Variants in MTUS2 observed in about 807,000 individuals in gnomAD.
MTUS2 encodes the protein microtubule-associated tumor suppressor candidate 2.
A neutral mutation model predicts 114.1 loss-of-function variants in MTUS2; 40 were observed. The ratio of observed to expected loss-of-function variants is 0.35; its 90% confidence interval spans 0.27 to 0.46. The LOEUF is 0.46. Among genes scored for constraint, MTUS2 ranks in the 20% least tolerant of loss-of-function variants. The probability of loss-of-function intolerance (pLI) is 1.00; values close to 1 mark genes in which losing one functional copy is unlikely to be tolerated. For missense variants in MTUS2, 1,679 were observed against 1,705.4 expected, an observed-to-expected ratio of 0.98 and a Z score of 0.27; for synonymous variants, 688 against 672.0, an observed-to-expected ratio of 1.02 and a Z score of -0.37.
At position 29,347,106 on chromosome 13, in the gene MTUS2, A is replaced by G. The variant is rs568102583; in HGVS notation, c.2906-12156A>G. Among the ~76,000 whole-genome samples, 825 of 151,858 alleles carry G rather than the reference A, an allele frequency of 5.4e-3. 2 individuals carry two copies. Among genetic ancestry groups the G allele is most frequent in the Non-Finnish European group, 8.3e-3 (565 of 67,862 alleles). ...GTGTTCTTCAGTAGTTCTTGGAGCCAGAGTTCACAGTGTGTCTCCACAAGC... is the reference window on the plus strand; with the variant it reads ...GTGTTCTTCAGTAGTTCTTGGAGCCGGAGTTCACAGTGTGTCTCCACAAGC... On this transcript the variant is annotated intron_variant, in intron 7 of 15. Coordinates refer to ENST00000612955, the MANE Select transcript of MTUS2 (RefSeq NM_001033602.4).
intron 8 of MTUS2, among the ~76,000 whole-genome samples, chr13:29,390,647 A>C (rs1873364549): frequency 6.8e-6 from 1 of 146,512 alleles, no homozygotes; most frequent in Non-Finnish European, 1.5e-5. Context: ...GCGAGACTCC[A>C]TCTCAAAAAA....
At chr13:29,084,965 G>A (rs1411335868) in intron 4 of MTUS2, among the ~76,000 whole-genome samples, 3 of 152,330 alleles carry the variant, frequency 2.0e-5, no homozygotes, top group Non-Finnish European at 4.4e-5. Context: ...GGGGCTAATG[G>A]TGTTGGATCA....
At chr13:29,405,070 C>A (rs1478291109) in intron 8 of MTUS2, among the ~76,000 whole-genome samples, 1 of 152,178 alleles carries the variant, frequency 6.6e-6, no homozygotes, top group Non-Finnish European at 1.5e-5. Flanking sequence ...TATGCCTAAT[C>A]TTTCTTTAAA....
intron 5 of MTUS2, among the ~76,000 whole-genome samples, chr13:29,271,646 G>A (rs948755269): frequency 1.3e-5 from 2 of 152,146 alleles, no homozygotes; most frequent in Admixed American, 1.3e-4. Flanking sequence ...CAAGCAGCTC[G>A]TGTGTTCATC....
At chr13:29,196,597 T>C (rs1407108139) in intron 5 of MTUS2, among the ~76,000 whole-genome samples, 2 of 152,164 alleles carry the variant, frequency 1.3e-5, no homozygotes, top group Non-Finnish European at 2.9e-5. Context: ...TGAAACCTTT[T>C]ACACATGAAA....
chr13:29,031,043 A>C (rs7320904), intron 3 of MTUS2, among the ~76,000 whole-genome samples: 1 of 151,936 alleles, frequency 6.6e-6, no homozygotes, highest in African/African-American at 2.4e-5. Flanking sequence ...CCCTCCAACA[A>C]CTTGGGAGCC....
At chr13:29,020,527 TAAG>T (rs764180569) in intron 2 of MTUS2, among the ~76,000 whole-genome samples, 10 of 152,132 alleles carry the variant, frequency 6.6e-5, no homozygotes, top group East Asian at 1.9e-4. Context: ...TGAGGCCACA[TAAG>T]GAGGAGGGAA....
chr13:28,891,455 C>T (rs983273959), intron 2 of MTUS2, among the ~76,000 whole-genome samples: 9 of 151,966 alleles, frequency 5.9e-5, no homozygotes, highest in African/African-American at 2.2e-4. Flanking sequence ...TGAAAAAAGG[C>T]AGAATCGTAG....
At chr13:29,406,240 A>C (rs1874744101) in intron 8 of MTUS2, among the ~76,000 whole-genome samples, 1 of 152,164 alleles carries the variant, frequency 6.6e-6, no homozygotes, top group Non-Finnish European at 1.5e-5. Flanking sequence ...GCAGCTGAGA[A>C]CAACAAACAC....
intron 5 of MTUS2, among the ~76,000 whole-genome samples, chr13:29,207,144 A>G (rs1371131452): frequency 6.6e-6 from 1 of 151,016 alleles, no homozygotes; most frequent in South Asian, 2.1e-4. Flanking sequence ...GGTGTAATAT[A>G]CTCCTAAGTG....
At chr13:29,112,310 C>T (rs912901271) in intron 5 of MTUS2, among the ~76,000 whole-genome samples, 8 of 152,044 alleles carry the variant, frequency 5.3e-5, no homozygotes, top group African/African-American at 9.7e-5. Context: ...GTGTCAGACA[C>T]GACCAGCATC....
chr13:28,926,722 C>T (rs1304425906), intron 2 of MTUS2, among the ~76,000 whole-genome samples: 1 of 152,072 alleles, frequency 6.6e-6, no homozygotes, highest in African/African-American at 2.4e-5. Flanking sequence ...AGTAGTTTAT[C>T]AATCATCTTT....
chr13:29,026,832 G>T lies in MTUS2; in HGVS notation c.2134G>T (p.Gly712Ter). Residue 712 changes from glycine (G) to a stop codon, truncating the protein, a stop_gained, in exon 3 of 16, where the codon GGA becomes TGA. Transcript: ENST00000612955. LOFTEE classifies it high-confidence loss of function. ...DLQKPRVFSS[G>*]LMVSGIKPPG... ...GCAGAAGCCAAGGGTCTTCAGTTCC[G>T]GATTGATGGTGTCTGGAATCAAGCC... The T allele has an allele frequency of 6.2e-7, 1 of 1,609,694 alleles. No homozygotes were observed. The highest frequency in any genetic ancestry group is 8.5e-7 in the Non-Finnish European group (1 of 1,179,824).
At chr13:29,087,543 G>C (rs1234333587) in intron 4 of MTUS2, among the ~76,000 whole-genome samples, 2 of 152,260 alleles carry the variant, frequency 1.3e-5, no homozygotes, top group Non-Finnish European at 2.9e-5. Flanking sequence ...GTTCATCAGG[G>C]ATATTGGCCT....
At chr13:28,961,917 G>A (rs1883346988) in intron 2 of MTUS2, among the ~76,000 whole-genome samples, 1 of 152,012 alleles carries the variant, frequency 6.6e-6, no homozygotes, top group South Asian at 2.1e-4. Flanking sequence ...ACACTCCCAT[G>A]TCCATCATTG....
intron 8 of MTUS2, among the ~76,000 whole-genome samples, chr13:29,392,113 G>T (rs1299029131): frequency 4.5e-5 from 5 of 111,610 alleles, no homozygotes; most frequent in Non-Finnish European, 8.3e-5. Context: ...GGGCGACAGA[G>T]CAAGACTCTG....
chr13:29,217,152 T>A (rs1012212058), intron 5 of MTUS2, among the ~76,000 whole-genome samples: 3 of 152,266 alleles, frequency 2.0e-5, no homozygotes, highest in Non-Finnish European at 4.4e-5. Flanking sequence ...TTATCAGTTT[T>A]GTGCCTGTGT....
intron 8 of MTUS2, among the ~76,000 whole-genome samples, chr13:29,429,660 A>G (rs920308609): frequency 2.0e-5 from 3 of 152,154 alleles, no homozygotes; most frequent in Non-Finnish European, 2.9e-5. Context: ...GTTGGCAAGA[A>G]CTCTTGTCTC....
chr13:28,950,931 T>C (rs1845067741), intron 2 of MTUS2, among the ~76,000 whole-genome samples: 1 of 152,106 alleles, frequency 6.6e-6, no homozygotes, highest in South Asian at 2.1e-4. Context: ...AAACACAAAA[T>C]CTGTGAAACG....
Sources: gnomAD v4.1 joint callset for allele counts (sites outside exome capture counted in the v4.1 genomes callset) on GRCh38, gnomAD v4.1.1 for gene constraint, MANE v1.5 for transcripts, NCBI Gene and HGNC (gene_info 2026-07-23, HGNC 2026-07-21) for gene names.